CNTNAP5: variants seen among roughly 807,000 people sequenced by gnomAD.
CNTNAP5 encodes contactin-associated protein-like 5.
A neutral mutation model predicts 150.2 loss-of-function variants in CNTNAP5; 72 were observed. The observed-to-expected ratio is 0.48, with a 90% CI of 0.40 to 0.58. The LOEUF is 0.58. Among genes scored for constraint, CNTNAP5 ranks in the 20% least tolerant of loss-of-function variants. CNTNAP5 has a pLI of 0.00. For synonymous variants in CNTNAP5, 672 were observed against 619.8 expected (o/e 1.08, Z -1.25); for missense variants, 1,636 against 1,626.2 (o/e 1.01, Z -0.10).
intron 13 of CNTNAP5, among the ~76,000 whole-genome samples, chr2:124,712,332 G>A (rs1213477739): frequency 6.6e-6 from 1 of 152,078 alleles, no homozygotes; most frequent in Non-Finnish European, 1.5e-5. Flanking sequence ...AACCATATTT[G>A]CTAGACAGCA....
chr2:124,476,562 G>A (rs966502137), intron 7 of CNTNAP5, among the ~76,000 whole-genome samples: 10 of 152,264 alleles, frequency 6.6e-5, no homozygotes, highest in Admixed American at 4.6e-4. Flanking sequence ...CCTCATGATA[G>A]CTCAGTAGCG....
intron 12 of CNTNAP5, among the ~76,000 whole-genome samples, chr2:124,646,156 C>T (rs1185025858): frequency 6.6e-6 from 1 of 152,148 alleles, no homozygotes; most frequent in African/African-American, 2.4e-5. Flanking sequence ...TAAAATCATA[C>T]TCTCTTTTTC....
At chr2:124,601,701 C>T (rs1465802733) in intron 11 of CNTNAP5, among the ~76,000 whole-genome samples, 3 of 152,128 alleles carry the variant, frequency 2.0e-5, no homozygotes, top group African/African-American at 7.2e-5. Context: ...GGAAAAAAAC[C>T]AATCTTCTAT....
chr2:124,733,448 T>C (rs60095478), intron 13 of CNTNAP5, among the ~76,000 whole-genome samples: 5,527 of 152,148 alleles, frequency 0.036, 353 homozygotes, highest in African/African-American at 0.13. Flanking sequence ...AGAAGGGAAG[T>C]AGAATTTACA....
At chr2:124,481,761 A>C in intron 7 of CNTNAP5, among the ~76,000 whole-genome samples, 1 of 152,206 alleles carries the variant, frequency 6.6e-6, no homozygotes, top group East Asian at 1.9e-4. Context: ...ACCATAGTTC[A>C]TTTAAGAATC....
intron 8 of CNTNAP5, 90 bp from the exon 9 acceptor site, chr2:124,524,213 A>G (rs1222435131): frequency 5.1e-6 from 7 of 1,367,840 alleles, no homozygotes; most frequent in African/African-American, 1.4e-5. Context: ...TGAGAATGGC[A>G]TGGACGGCAG....
At chr2:124,638,370 A>G (rs138350850) in intron 12 of CNTNAP5, among the ~76,000 whole-genome samples, 203 of 152,214 alleles carry the variant, frequency 1.3e-3, no homozygotes, top group African/African-American at 4.7e-3. Flanking sequence ...TGTAAAGTTA[A>G]AGATTTCCTT....
At chr2:124,530,101 C>T (rs1369006095) in intron 10 of CNTNAP5, among the ~76,000 whole-genome samples, 1 of 152,078 alleles carries the variant, frequency 6.6e-6, no homozygotes, top group Non-Finnish European at 1.5e-5. Flanking sequence ...TAACTGAAGC[C>T]AGAAGTTCGA....
chr2:124,847,989 TA>T (rs373876648), intron 19 of CNTNAP5, among the ~76,000 whole-genome samples: 3 of 152,246 alleles, frequency 2.0e-5, no homozygotes, highest in African/African-American at 7.2e-5. Flanking sequence ...TCATTGCATT[TA>T]AAAAAATGTT....
At chr2:124,172,467 C>T (rs536217554) in intron 1 of CNTNAP5, among the ~76,000 whole-genome samples, 2 of 152,278 alleles carry the variant, frequency 1.3e-5, no homozygotes, top group South Asian at 2.1e-4. Flanking sequence ...GGCTAGAATG[C>T]ATTGGCCGAG....
intron 11 of CNTNAP5, among the ~76,000 whole-genome samples, chr2:124,583,355 C>T (rs1264385213): frequency 1.3e-5 from 2 of 152,204 alleles, no homozygotes; most frequent in African/African-American, 4.8e-5. Context: ...TGGTTATATG[C>T]TACCAATGTA....
chr2:124,137,383 A>G (rs996072928), intron 1 of CNTNAP5, among the ~76,000 whole-genome samples: 1 of 152,174 alleles, frequency 6.6e-6, no homozygotes, highest in Admixed American at 6.5e-5. Flanking sequence ...CAAGGAAAAA[A>G]ATCCTCAATT....
chr2:124,416,940 T>C (rs1299902442), intron 3 of CNTNAP5, among the ~76,000 whole-genome samples: 1 of 146,044 alleles, frequency 6.8e-6, no homozygotes, highest in African/African-American at 2.5e-5. Flanking sequence ...GGATTTCTTT[T>C]TTTTTTTTTT....
intron 8 of CNTNAP5, among the ~76,000 whole-genome samples, chr2:124,512,946 C>A (rs1325969531): frequency 2.0e-5 from 3 of 152,158 alleles, no homozygotes; most frequent in Non-Finnish European, 2.9e-5. Context: ...CAACATGACA[C>A]CCTTAGCTTT....
chr2:124,459,611 G>C (rs1282175396), intron 6 of CNTNAP5, among the ~76,000 whole-genome samples: 1 of 151,762 alleles, frequency 6.6e-6, no homozygotes, highest in African/African-American at 2.4e-5. Flanking sequence ...AATTAACTGG[G>C]CATGGTGCAC....
chr2:124,331,853 A>C (rs537514591), intron 3 of CNTNAP5, among the ~76,000 whole-genome samples: 1 of 152,152 alleles, frequency 6.6e-6, no homozygotes, highest in East Asian at 1.9e-4. Flanking sequence ...CACTCAAAAG[A>C]TTAACAATTT....
intron 11 of CNTNAP5, among the ~76,000 whole-genome samples, chr2:124,603,662 C>T (rs1249682475): frequency 6.6e-6 from 1 of 152,158 alleles, no homozygotes; most frequent in Non-Finnish European, 1.5e-5. Context: ...AGGATATGAT[C>T]TCTGTTCTTT....
chr2:124,715,205 C>T (rs1314817842), intron 13 of CNTNAP5, among the ~76,000 whole-genome samples: 2 of 152,154 alleles, frequency 1.3e-5, no homozygotes, highest in African/African-American at 4.8e-5. Context: ...TATTCAAGCA[C>T]TTACTATGTG....
chr2:124,510,264 T>A (rs1371883459), intron 8 of CNTNAP5, among the ~76,000 whole-genome samples: 2 of 127,668 alleles, frequency 1.6e-5, no homozygotes, highest in East Asian at 4.6e-4. Flanking sequence ...TATCTATATA[T>A]CTATATATCT....
Sources: allele counts gnomAD v4.1 joint callset (sites outside exome capture counted in the v4.1 genomes callset), GRCh38; gene constraint gnomAD v4.1.1; transcripts MANE v1.5; gene names NCBI Gene and HGNC (gene_info 2026-07-23, HGNC 2026-07-21).